The following GIMAP8 variants were observed in gnomAD, a reference collection of about 807,000 sequenced individuals.
The protein encoded by GIMAP8 is GTPase, IMAP family member 8, also known as GTPase IMAP family member 8.
In GIMAP8, 29 loss-of-function variants were observed where a neutral mutation model predicts 35.6. That is an observed-to-expected ratio of 0.81 (90% confidence interval 0.61 to 1.11). The LOEUF (loss-of-function observed/expected upper bound fraction) is 1.11, where lower values mean the gene tolerates loss of function less well. GIMAP8 is among the 50% of genes most tolerant of loss of function. GIMAP8 has a pLI of 0.00. For missense variants in GIMAP8, 811 were observed against 805.0 expected, an observed-to-expected ratio of 1.01 and a Z score of -0.09; for synonymous variants, 335 against 308.7, an observed-to-expected ratio of 1.09 and a Z score of -0.89.
At chr7:150,452,012 C>T (rs1400176415) in intron 1 of GIMAP8, among the ~76,000 whole-genome samples, 3 of 152,194 alleles carry the variant, frequency 2.0e-5, no homozygotes, top group Admixed American at 6.5e-5. Context: ...CCCCGCATGG[C>T]TGGATGCTGT....
In GIMAP8 at chr7:150,454,781, T is replaced by C. The variant is rs1801691065; in HGVS notation, c.-29+3606T>C. Among the ~76,000 whole-genome samples, 4 of 152,354 alleles carry C rather than the reference T, an allele frequency of 2.6e-5. 1 individual carries two copies. In the South Asian group the frequency reaches 8.3e-4, roughly 32 times the overall value. ...GGTAGTAGATGTCTCAATACATTTT[T>C]AAATTTAGTAATCACTTACTTTTGG... On this transcript the variant is annotated intron_variant, in intron 1 of 4. Coordinates refer to ENST00000307271, the MANE Select transcript of GIMAP8 (RefSeq NM_175571.4).
rs543968300 is a variant in GIMAP8, at chr7:150,478,422, G to C, written c.*642G>C. 1 of 152,576 alleles carries C rather than the reference G, an allele frequency of 6.6e-6. No individual in the cohort carries two copies. The highest frequency in any genetic ancestry group is 1.9e-4 in the East Asian group (1 of 5,186). The allele number at this position is 152,576 out of a possible 1,614,324, so 9.5% of individuals were successfully genotyped here. On this transcript the variant is annotated 3_prime_UTR_variant, in exon 5 of 5. Coordinates refer to ENST00000307271, the MANE Select transcript of GIMAP8 (RefSeq NM_175571.4). ...ATTGCTGGCTGTCCCTGAGGAAACA[G>C]ACATGAGTCTTGGAGGTTCTGAATG...
chr7:150,461,175 T>C (rs1178979965), intron 1 of GIMAP8, among the ~76,000 whole-genome samples: 1 of 152,248 alleles, frequency 6.6e-6, no homozygotes, highest in Non-Finnish European at 1.5e-5. Context: ...AAATTCTCTA[T>C]GTGCTTATAA....
At position 150,474,583 on chromosome 7, in the gene GIMAP8, A is replaced by G. The variant is rs1264269451; in HGVS notation, c.1254A>G (p.Lys418=). The change falls in exon 4 of 5, where the codon AAA becomes AAG. Residue 418 remains lysine, a synonymous_variant. Coordinates refer to ENST00000307271, the MANE Select transcript of GIMAP8 (RefSeq NM_175571.4). ...EQRQADELLE[K]IESMVHQNGN... ...GGCAGGCGGACGAGCTCCTGGAAAA[A>G]ATTGAGAGCATGGTGCATCAGAATG... The G allele has an allele frequency of 6.2e-7, 1 of 1,613,264 alleles. No individual in the cohort carries two copies. The highest frequency in any genetic ancestry group is 2.2e-5 in the East Asian group (1 of 44,884).
intron 1 of GIMAP8, among the ~76,000 whole-genome samples, chr7:150,453,775 G>A (rs1176279747): frequency 1.3e-5 from 2 of 152,192 alleles, no homozygotes; most frequent in African/African-American, 2.4e-5. Context: ...CAGATGTGAA[G>A]GGTGACAGTA....
Position 150,477,698 on chromosome 7 carries a change from AC to A in GIMAP8, c.1917del (p.Asn639LysfsTer5). 6.2e-7 allele frequency: 1 copy of A among 1,614,208 alleles called. No homozygotes were observed. Among genetic ancestry groups the A allele is most frequent in the Non-Finnish European group, 8.5e-7 (1 of 1,180,034 alleles). On this transcript the variant is annotated frameshift_variant, in exon 5 of 5. Transcript: ENST00000307271. LOFTEE classifies it low-confidence loss of function (END_TRUNC). ...GWSGYPHTQE[N>X]VSKLIKNVQE... ...TCCGGGTATCCCCATACACAGGAGA[AC>A]GTCAGCAAACTAATTAAAAATGTCC...
At chr7:150,453,578 C>G (rs2116582648) in intron 1 of GIMAP8, among the ~76,000 whole-genome samples, 1 of 152,374 alleles carries the variant, frequency 6.6e-6, no homozygotes, top group East Asian at 1.9e-4. Flanking sequence ...CCACTCTTCA[C>G]TTTCTTCGGC....
chr7:150,452,683 T>TAG (rs1801641382), intron 1 of GIMAP8, among the ~76,000 whole-genome samples: 1 of 96,678 alleles, frequency 1.0e-5, no homozygotes, highest in Non-Finnish European at 2.1e-5. Flanking sequence ...GAGATATATA[T>TAG]ATATATATAT....
rs1350747576 is a variant in GIMAP8 at position 150,466,741 on chromosome 7, C to T, written c.43C>T (p.Leu15Phe). The stretch of plus-strand genomic sequence containing the variant: ...CCAGATGTCCGAACTGCGGCTCCTC[C>T]TCCTGGGAAAATGCCGCTCGGGAAA... ...SCQMSELRLLLLGKCRSGKSA... is the reference protein window; with the variant it reads ...SCQMSELRLLFLGKCRSGKSA... Residue 15 changes from leucine (L) to phenylalanine (F), a missense_variant, in exon 2 of 5, where the codon CTC becomes TTC. Transcript: ENST00000307271. 1 of 1,614,214 alleles carries T rather than the reference C, an allele frequency of 6.2e-7. No homozygotes were observed. The highest frequency in any genetic ancestry group is 8.5e-7 in the Non-Finnish European group (1 of 1,180,036).
chr7:150,470,746 C>CTTTTTTCTT, intron 2 of GIMAP8, 83 bp from the exon 3 acceptor site: 2 of 467,276 alleles, frequency 4.3e-6, no homozygotes, highest in East Asian at 4.1e-5. Flanking sequence ...CTTCAATTTC[C>CTTTTTTCTT]TTTTTTTTTT....
Position 150,470,746 on chromosome 7 carries a change from C to CTTTTTTT in GIMAP8, c.637-67_637-61dup, listed in dbSNP as rs765100972. 11 of 467,986 alleles carry CTTTTTTT rather than the reference C, an allele frequency of 2.4e-5. 1 individual carries two copies. Among genetic ancestry groups the CTTTTTTT allele is most frequent in the Admixed American group, 4.1e-5 (1 of 24,680 alleles). The allele number at this position is 467,986 out of a possible 1,614,324, so 29.0% of individuals were successfully genotyped here. A position where few individuals can be genotyped will look rare whatever the true frequency, so the allele number is the denominator to read the frequency against. Reference sequence around the variant, plus strand: ...CATTCTGAATTAATACTTCAATTTCCTTTTTTTTTTTTTTTTTTTTTTCAG... The same window carrying CTTTTTTT: ...CATTCTGAATTAATACTTCAATTTCCTTTTTTTTTTTTTTTTTTTTTTTTTTTTTCAG... On this transcript the variant is annotated intron_variant, in intron 2 of 4. Transcript: ENST00000307271.
intron 2 of GIMAP8, among the ~76,000 whole-genome samples, chr7:150,468,652 G>A (rs894568068): frequency 1.3e-5 from 2 of 152,182 alleles, no homozygotes; most frequent in African/African-American, 4.8e-5. Context: ...GTTCATGTAT[G>A]CTTGTATGTA....
Position 150,477,749 on chromosome 7 carries a change from T to G in GIMAP8, c.1967T>G (p.Leu656Arg). 1.2e-6 allele frequency: 2 copies of G among 1,612,940 alleles called. No individual in the cohort carries two copies. The highest frequency in any genetic ancestry group is 1.1e-5 in the South Asian group (1 of 91,006). Residue 656 changes from leucine to arginine, a missense_variant, in exon 5 of 5, where the codon CTC becomes CGC. Leu to Arg is a moderately radical substitution (Grantham distance 102). Transcript: ENST00000307271. ...NVQEMSQAEK[L>R]LKNLIGILQ Reference sequence around the variant, plus strand: ...CAGGAAATGTCCCAAGCCGAAAAACTCCTTAAAAATTTAATAGGTATTTTA... The same window carrying G: ...CAGGAAATGTCCCAAGCCGAAAAACGCCTTAAAAATTTAATAGGTATTTTA...
rs1167076243 is a variant in GIMAP8 at position 150,477,870 on chromosome 7, C to G, written c.*90C>G. On this transcript the variant is annotated 3_prime_UTR_variant, in exon 5 of 5. Transcript: ENST00000307271. ...ATGGTACAACCTGTGGGAAGGGAAG[C>G]GGGTTCATGGCTTTGAGGGCCTGAG... 1 of 1,035,078 alleles carries G rather than the reference C, an allele frequency of 9.7e-7. No homozygotes were observed. Among genetic ancestry groups the G allele is most frequent in the African/African-American group, 1.6e-5 (1 of 61,470 alleles). 64.1% of individuals were successfully genotyped at this position (1,035,078 alleles called of 1,614,324 possible). A position where few individuals can be genotyped will look rare whatever the true frequency, so the allele number is the denominator to read the frequency against.
In GIMAP8 at chr7:150,467,210, A is replaced by G; in HGVS notation, c.512A>G (p.Lys171Arg). Residue 171 changes from lysine to arginine, a missense_variant, in exon 2 of 5, where the codon AAG (lysine) becomes AGG (arginine). Physicochemically the swap from Lys to Arg is conservative, Grantham distance 26. Transcript: ENST00000307271. Reference protein sequence around the residue: ...YEGRYCIFNNKTNSKDEQITQ... With the variant: ...YEGRYCIFNNRTNSKDEQITQ... Reference sequence around the variant, plus strand: ...GGCCGATACTGCATTTTCAACAACAAGACCAATAGTAAGGATGAGCAGATC... The same window carrying G: ...GGCCGATACTGCATTTTCAACAACAGGACCAATAGTAAGGATGAGCAGATC... 1.9e-6 allele frequency: 3 copies of G among 1,614,252 alleles called. No individual in the cohort carries two copies. The highest frequency in any genetic ancestry group is 2.5e-6 in the Non-Finnish European group (3 of 1,180,056).
At chr7:150,464,704 G>T (rs1158366993) in intron 1 of GIMAP8, among the ~76,000 whole-genome samples, 1 of 152,068 alleles carries the variant, frequency 6.6e-6, no homozygotes, top group Non-Finnish European at 1.5e-5. Flanking sequence ...AAAAAGAAAA[G>T]AAATTATAGG....
Position 150,477,360 on chromosome 7 carries a change from A to AT in GIMAP8, c.1584dup (p.Val529CysfsTer11), listed in dbSNP as rs1206356904. The AT allele has an allele frequency of 5.0e-6, 8 of 1,614,062 alleles. No individual in the cohort carries two copies. The highest frequency in any genetic ancestry group is 1.7e-5 in the Admixed American group (1 of 60,004). On this transcript the variant is annotated frameshift_variant, in exon 5 of 5. Transcript: ENST00000307271. LOFTEE classifies it low-confidence loss of function (END_TRUNC). Reference sequence around the variant, plus strand: ...TGTCCTGCTGTGAAAAAGGGGACACATTTTTTGTCCTGGTGTTCCAGCTGG... The same window carrying AT: ...TGTCCTGCTGTGAAAAAGGGGACACATTTTTTTGTCCTGGTGTTCCAGCTGG...
chr7:150,460,702 C>A lies in GIMAP8; in HGVS notation c.-28-5969C>A, dbSNP rs186898614. On this transcript the variant is annotated intron_variant, in intron 1 of 4. Transcript: ENST00000307271. ...ATTGTAGGAAACTCCCCTATGAGGT[C>A]ATGAGTGCAGATTGGGAGAGAGAAG... 1.7e-4 allele frequency among the ~76,000 whole-genome samples: 26 copies of A among 152,310 alleles called. No homozygotes were observed. The East Asian group carries it at 5.0e-3, about 29-fold the overall frequency.
intron 1 of GIMAP8, among the ~76,000 whole-genome samples, chr7:150,459,612 A>G (rs1359848087): frequency 6.6e-6 from 1 of 152,132 alleles, no homozygotes; most frequent in Non-Finnish European, 1.5e-5. Flanking sequence ...CCCCAGTCCT[A>G]CAAGGTGGTA....
Sources: allele counts gnomAD v4.1 joint callset (sites outside exome capture counted in the v4.1 genomes callset), GRCh38; gene constraint gnomAD v4.1.1; transcripts MANE v1.5; gene names NCBI Gene and HGNC (gene_info 2026-07-23, HGNC 2026-07-21).